The following CDH3 variants were observed in gnomAD, a reference collection of about 807,000 sequenced individuals.
The protein encoded by CDH3 is cadherin 3, also known as cadherin-3.
CDH3 carries 54 observed loss-of-function variants against 82.0 expected under a neutral mutation model. That is an observed-to-expected ratio of 0.66 (90% confidence interval 0.53 to 0.83). The LOEUF (loss-of-function observed/expected upper bound fraction) is 0.83, where lower values mean the gene tolerates loss of function less well. Ranked by LOEUF, CDH3 falls within the 40% of genes least tolerant of loss-of-function variation. The pLI, the probability that CDH3 is intolerant of heterozygous loss-of-function variation, is 0.00. For missense variants in CDH3, 1,054 were observed against 1,084.6 expected (o/e 0.97, Z 0.40); for synonymous variants, 446 against 437.9 (o/e 1.02, Z -0.23).
chr16:68,658,529 C>T (rs564455510), intron 2 of CDH3, among the ~76,000 whole-genome samples: 18 of 152,236 alleles, frequency 1.2e-4, no homozygotes, highest in African/African-American at 4.3e-4. Context: ...TTCGGCTGCT[C>T]TCCTGGGTGT....
At chr16:68,687,846 G>A in intron 12 of CDH3, 110 bp downstream of exon 12, 2 of 781,074 alleles carry the variant, frequency 2.6e-6, no homozygotes, top group Non-Finnish European at 4.5e-6. Flanking sequence ...TGGGCCATGG[G>A]GACAATGATC....
At chr16:68,705,129 T>C (rs528952491), downstream of CDH3, among the ~76,000 whole-genome samples, 1 of 152,318 alleles carries the variant, frequency 6.6e-6, no homozygotes, top group African/African-American at 2.4e-5. Flanking sequence ...GAGACAGTTT[T>C]GGGGTCTAGA....
At position 68,695,379 on chromosome 16, in the gene CDH3, G is replaced by T; in HGVS notation, c.2127G>T (p.Glu709Asp). The change falls in exon 14 of 16, where the codon GAG (glutamate) becomes GAT (aspartate). Residue 709 changes from glutamate (E) to aspartate (D), a missense_variant. By Grantham distance (45) the Glu-to-Asp change is conservative. Transcript: ENST00000264012. ...FYYGEEGGGE[E>D]DQDYDITQLH... is the part of the protein sequence containing the mutation. ...ATGGCGAAGAGGGGGGTGGCGAAGAGGACCAGGTGGGGCACTGGGGGCTCT... is the reference window on the plus strand; with the variant it reads ...ATGGCGAAGAGGGGGGTGGCGAAGATGACCAGGTGGGGCACTGGGGGCTCT... 2 of 1,610,234 alleles carry T rather than the reference G, an allele frequency of 1.2e-6. No individual in the cohort carries two copies. Among genetic ancestry groups the T allele is most frequent in the Non-Finnish European group, 1.7e-6 (2 of 1,178,348 alleles).
At chr16:68,722,261 G>T (rs1962173269) in intron 1 of CDH3, among the ~76,000 whole-genome samples, 1 of 152,200 alleles carries the variant, frequency 6.6e-6, no homozygotes, top group Admixed American at 6.5e-5. Flanking sequence ...CTAGGTGCCA[G>T]TGAGTGTTTA....
chr16:68,672,466 C>T lies in CDH3; in HGVS notation c.161-3919C>T, dbSNP rs929834663. Among the ~76,000 whole-genome samples the T allele has an allele frequency of 2.0e-5, 3 of 152,228 alleles. No individual in the cohort carries two copies. The South Asian group carries it at 6.2e-4, about 32-fold the overall frequency. Reference sequence around the variant, plus strand: ...ATATTGAAGATGATTTAACCTTTGCCACATTATCGTTCCTGGTCCTTCTAG... The same window carrying T: ...ATATTGAAGATGATTTAACCTTTGCTACATTATCGTTCCTGGTCCTTCTAG... On this transcript the variant is annotated intron_variant, in intron 2 of 15. Coordinates refer to ENST00000264012, the MANE Select transcript of CDH3 (RefSeq NM_001793.6).
chr16:68,656,536 C>T (rs1960414680), intron 2 of CDH3, among the ~76,000 whole-genome samples: 2 of 152,124 alleles, frequency 1.3e-5, no homozygotes, highest in South Asian at 4.1e-4. Context: ...TCCTAAAAGC[C>T]CCATGAGGTG....
chr16:68,680,173 C>T (rs949924999), intron 7 of CDH3, among the ~76,000 whole-genome samples, 199 bp downstream of exon 7: 2 of 152,242 alleles, frequency 1.3e-5, no homozygotes, highest in African/African-American at 2.4e-5. Flanking sequence ...CAGCCAATCT[C>T]GTTAAATCTC....
intron 15 of CDH3, among the ~76,000 whole-genome samples, chr16:68,697,674 A>G (rs910552314): frequency 1.3e-5 from 2 of 152,198 alleles, no homozygotes; most frequent in African/African-American, 4.8e-5. Flanking sequence ...TTTCGGAACT[A>G]CTGACCTAGC....
chr16:68,685,535 G>A (rs970061070), intron 11 of CDH3, among the ~76,000 whole-genome samples, 185 bp downstream of exon 11: 13 of 152,248 alleles, frequency 8.5e-5, no homozygotes, highest in African/African-American at 3.1e-4. Flanking sequence ...GCCGGATGCA[G>A]TGGCTCATGC....
chr16:68,687,626 G>A lies in CDH3; in HGVS notation c.1685G>A (p.Arg562His), dbSNP rs759593760. The A allele has an allele frequency of 6.2e-6, 10 of 1,614,062 alleles. No individual in the cohort carries two copies. Among genetic ancestry groups the A allele is most frequent in the East Asian group, 4.5e-5 (2 of 44,870 alleles). The change falls in exon 12 of 16, where the codon CGC (arginine) becomes CAC (histidine). Residue 562 changes from arginine (R) to histidine (H), a missense_variant. By Grantham distance (29) the Arg-to-His change is conservative. Transcript: ENST00000264012. ...QITICNQSPVRQVLNITDKDL... is the reference protein window; with the variant it reads ...QITICNQSPVHQVLNITDKDL... ...ACCATCTGCAACCAAAGCCCTGTGCGCCAGGTGCTGAACATCACGGACAAG... is the reference window on the plus strand; with the variant it reads ...ACCATCTGCAACCAAAGCCCTGTGCACCAGGTGCTGAACATCACGGACAAG...
At chr16:68,711,566 GT>G (rs1962031933) in intron 1 of CDH3, among the ~76,000 whole-genome samples, 1 of 152,166 alleles carries the variant, frequency 6.6e-6, no homozygotes, top group South Asian at 2.1e-4. Flanking sequence ...TATGGTGCCG[GT>G]TTCCCACAGC....
Position 68,687,436 on chromosome 16 carries a change from C to T in CDH3, c.1571-76C>T, listed in dbSNP as rs534292725. The T allele has an allele frequency of 4.9e-5, 54 of 1,101,648 alleles. 2 individuals carry two copies. The highest frequency in any genetic ancestry group is 4.9e-4 in the African/African-American group (32 of 65,320). The allele number at this position is 1,101,648 out of a possible 1,614,324, so 68.2% of individuals were successfully genotyped here. A position where few individuals can be genotyped will look rare whatever the true frequency, so the allele number is the denominator to read the frequency against. Reference sequence around the variant, plus strand: ...AAGGTCTTGAGAGGTGAGAGCTGGGCGGTAAACAGGAGGAGCCCCCCTGAG... The same window carrying T: ...AAGGTCTTGAGAGGTGAGAGCTGGGTGGTAAACAGGAGGAGCCCCCCTGAG... On this transcript the variant is annotated intron_variant, in intron 11 of 15. Transcript: ENST00000264012.
rs1279760390 is a variant in CDH3 at position 68,682,497 on chromosome 16, T to C, written c.1182+10T>C. On this transcript the variant is annotated intron_variant, in intron 9 of 15. Transcript: ENST00000264012. ...CCTGACAACCAGGAAGGTGAGTCAG[T>C]TCGGGCCTCAGACAATGGCTATACC... is the stretch of plus-strand genomic sequence containing the variant. The C allele has an allele frequency of 1.2e-6, 2 of 1,613,754 alleles. No homozygotes were observed. Among genetic ancestry groups the C allele is most frequent in the Non-Finnish European group, 1.7e-6 (2 of 1,179,888 alleles).
At chr16:68,733,551 T>C in the CDH3 span, among the ~76,000 whole-genome samples, 1 of 152,154 alleles carries the variant, frequency 6.6e-6, no homozygotes, top group Non-Finnish European at 1.5e-5. Context: ...GAGACCAGCC[T>C]GGCCAACATG....
chr16:68,645,349 C>T lies in CDH3; in HGVS notation c.-31C>T, dbSNP rs1960014245. The T allele has an allele frequency of 3.1e-6, 5 of 1,610,528 alleles. No individual in the cohort carries two copies. The highest frequency in any genetic ancestry group is 4.2e-6 in the Non-Finnish European group (5 of 1,178,280). On this transcript the variant is annotated 5_prime_UTR_variant, in exon 1 of 16. Coordinates refer to ENST00000264012, the MANE Select transcript of CDH3 (RefSeq NM_001793.6). The stretch of plus-strand genomic sequence containing the variant: ...TGAGCGGAACACCGGCCCGCCGTCG[C>T]GGCAGCTGCTTCACCCCTCTCTCTG...
Position 68,710,999 on chromosome 16 carries a change from AAGGGG to A in CDH3, c.100-11402_100-11398del, listed in dbSNP as rs1238380029. Among the ~76,000 whole-genome samples the A allele has an allele frequency of 5.8e-3, 146 of 25,240 alleles. 1 individual carries two copies. Among genetic ancestry groups the A allele is most frequent in the Middle Eastern group, 0.038 (1 of 26 alleles). 16.6% of individuals were successfully genotyped at this position (25,240 alleles called of 152,430 possible). A position where few individuals can be genotyped will look rare whatever the true frequency, so the allele number is the denominator to read the frequency against. On this transcript the variant is annotated intron_variant, in intron 1 of 2. Transcript: ENST00000569080. ...GGGGAGGGGGGAGGGGACGGGAGGA[AAGGGG>A]AGGGGAGGGGAGGGGAGGGGAGGAG...
chr16:68,726,045 A>C (rs1258166533), intron 2 of CDH3, among the ~76,000 whole-genome samples: 1 of 151,812 alleles, frequency 6.6e-6, no homozygotes, highest in African/African-American at 2.4e-5. Context: ...ACCTTGTCTC[A>C]AAAAAAAGAA....
chr16:68,733,210 C>T, the CDH3 span, among the ~76,000 whole-genome samples: 1 of 152,160 alleles, frequency 6.6e-6, no homozygotes, highest in Admixed American at 6.5e-5. Flanking sequence ...GAAGTGGCTC[C>T]AGTGCTCAAA....
intron 1 of CDH3, among the ~76,000 whole-genome samples, chr16:68,711,439 G>A (rs961163870): frequency 1.3e-5 from 2 of 152,212 alleles, no homozygotes; most frequent in African/African-American, 4.8e-5. Flanking sequence ...GGAGGCGGCT[G>A]GGGGACCTGT....
Sources: gnomAD v4.1 joint callset for allele counts (sites outside exome capture counted in the v4.1 genomes callset) on GRCh38, gnomAD v4.1.1 for gene constraint, MANE v1.5 for transcripts, NCBI Gene and HGNC (gene_info 2026-07-23, HGNC 2026-07-21) for gene names.